The following FOCAD variants were observed in gnomAD, a reference collection of about 807,000 sequenced individuals.
The protein encoded by FOCAD is KIAA1797.
Under a neutral mutation model 225.6 loss-of-function variants are expected in FOCAD, and 198 were observed. The ratio of observed to expected loss-of-function variants is 0.88; its 90% confidence interval spans 0.78 to 0.99. FOCAD has a LOEUF of 0.99. FOCAD is among the 50% of genes least tolerant of loss of function. FOCAD has a pLI of 0.00. For missense variants in FOCAD, 2,713 were observed against 2,123.6 expected (o/e 1.28, Z -5.46); for synonymous variants, 897 against 755.0 (o/e 1.19, Z -3.08).
At position 20,916,957 on chromosome 9, in the gene FOCAD, T is replaced by C. The variant is rs752661606; in HGVS notation, c.2852+20T>C. The C allele has an allele frequency of 6.3e-7, 1 of 1,582,474 alleles. No individual in the cohort carries two copies. The highest frequency in any genetic ancestry group is 1.8e-5 in the Admixed American group (1 of 54,824). On this transcript the variant is annotated intron_variant, in intron 24 of 43. Transcript: ENST00000338382. ...TGCAAAGTAAGATCCATTTAGTCTT[T>C]TATCAAACATTTTTTATAAATACCT...
chr9:20,949,637 C>CT lies in FOCAD; in HGVS notation c.3910_3911insT (p.Gln1304LeufsTer5). 6.2e-7 allele frequency: 1 copy of CT among 1,613,200 alleles called. No homozygotes were observed. Among genetic ancestry groups the CT allele is most frequent in the Non-Finnish European group, 8.5e-7 (1 of 1,179,394 alleles). On this transcript the variant is annotated frameshift_variant, in exon 33 of 44. Transcript: ENST00000338382. LOFTEE classifies it high-confidence loss of function. The stretch of plus-strand genomic sequence containing the variant: ...AGAAGCCATCCAGACCTCTCATTTT[C>CT]AAGGCAGACTTAATGAAGTCATTAG...
chr9:20,871,400 A>T (rs1208439859), intron 18 of FOCAD, among the ~76,000 whole-genome samples: 1 of 151,786 alleles, frequency 6.6e-6, no homozygotes, highest in African/African-American at 2.4e-5. Context: ...TGAGTGTTTT[A>T]GCAGCTAATA....
intron 6 of FOCAD, among the ~76,000 whole-genome samples, chr9:20,762,318 G>A (rs1216203875): frequency 6.6e-6 from 1 of 152,172 alleles, no homozygotes; most frequent in East Asian, 1.9e-4. Context: ...GTGTGATAAA[G>A]ATATATGTTT....
intron 9 of FOCAD, 134 bp downstream of exon 9, chr9:20,778,902 A>T: frequency 2.0e-6 from 1 of 502,444 alleles, no homozygotes; most frequent in Non-Finnish European, 3.5e-6. Context: ...ATTAAATAGA[A>T]TTTTTTTTCT....
intron 7 of FOCAD, 33 bp downstream of exon 7, chr9:20,765,106 T>A: frequency 6.4e-7 from 1 of 1,566,502 alleles, no homozygotes; most frequent in Non-Finnish European, 8.7e-7. Context: ...CAAATATAGG[T>A]CAGCATCAGT....
At chr9:20,838,340 T>A (rs943449974) in intron 15 of FOCAD, among the ~76,000 whole-genome samples, 11 of 152,056 alleles carry the variant, frequency 7.2e-5, no homozygotes, top group African/African-American at 2.2e-4. Flanking sequence ...CCTGGTGGAA[T>A]GTATTATGCC....
intron 1 of FOCAD, among the ~76,000 whole-genome samples, chr9:20,707,189 C>G (rs1036992934): frequency 6.6e-6 from 1 of 152,114 alleles, no homozygotes; most frequent in Non-Finnish European, 1.5e-5. Context: ...TAATATTGAC[C>G]AAGTGGCTCT....
intron 10 of FOCAD, among the ~76,000 whole-genome samples, chr9:20,788,287 A>G (rs1820146523): frequency 6.6e-6 from 1 of 152,148 alleles, no homozygotes; most frequent in Non-Finnish European, 1.5e-5. Context: ...GTTGTTGCCA[A>G]GGGCTGGAGG....
intron 35 of FOCAD, among the ~76,000 whole-genome samples, chr9:20,954,281 G>C (rs1379366326): frequency 6.6e-6 from 1 of 152,092 alleles, no homozygotes; most frequent in Non-Finnish European, 1.5e-5. Context: ...TTATAGTAGA[G>C]ATGGCTTCAT....
At chr9:20,721,039 A>G (rs1825731098) in intron 4 of FOCAD, among the ~76,000 whole-genome samples, 1 of 152,186 alleles carries the variant, frequency 6.6e-6, no homozygotes, top group Non-Finnish European at 1.5e-5. Context: ...TTTGTTTGGT[A>G]TGACCATATT....
chr9:20,863,054 A>T (rs1183824463), intron 16 of FOCAD: 1 of 167,692 alleles, frequency 6.0e-6, no homozygotes, highest in African/African-American at 2.4e-5. Flanking sequence ...CCACAAAGAC[A>T]TTAATAAAGG....
At chr9:20,937,704 T>G (rs542535295) in intron 28 of FOCAD, among the ~76,000 whole-genome samples, 2,443 of 151,634 alleles carry the variant, frequency 0.016, 73 homozygotes, top group African/African-American at 0.055. Context: ...AAAAGCAATG[T>G]CAAGAAAGGC....
At chr9:20,873,817 A>G (rs183463979) in intron 18 of FOCAD, 1 of 152,276 alleles carries the variant, frequency 6.6e-6, no homozygotes, top group Admixed American at 6.5e-5. Flanking sequence ...AATTATTTCT[A>G]AAAATAACTC....
intron 1 of FOCAD, among the ~76,000 whole-genome samples, chr9:20,714,365 G>A (rs1825126890): frequency 6.6e-6 from 1 of 152,096 alleles, no homozygotes; most frequent in East Asian, 1.9e-4. Context: ...TGTTTTTTGA[G>A]ATCAAGGGAA....
At chr9:20,766,207 G>A (rs986244437) in intron 7 of FOCAD, among the ~76,000 whole-genome samples, 13 of 152,062 alleles carry the variant, frequency 8.5e-5, no homozygotes, top group Non-Finnish European at 7.4e-5. Flanking sequence ...AAATGAGCTC[G>A]GTGGAATATT....
At chr9:20,943,449 G>C (rs915368051) in intron 28 of FOCAD, among the ~76,000 whole-genome samples, 1 of 129,106 alleles carries the variant, frequency 7.7e-6, no homozygotes, top group Non-Finnish European at 1.8e-5. Context: ...CAGAAGGCTA[G>C]GAATAAAAAA....
intron 8 of FOCAD, among the ~76,000 whole-genome samples, chr9:20,775,088 A>C (rs1818622483): frequency 6.6e-6 from 1 of 152,138 alleles, no homozygotes; most frequent in Admixed American, 6.5e-5. Flanking sequence ...GTCTTGTTCA[A>C]ATATTATATT....
chr9:20,954,483 T>A (rs1837960904), intron 35 of FOCAD, among the ~76,000 whole-genome samples: 1 of 152,232 alleles, frequency 6.6e-6, no homozygotes, highest in Non-Finnish European at 1.5e-5. Flanking sequence ...ACTCTTTTTC[T>A]TTTCTAGTGA....
chr9:20,765,130 G>A, intron 7 of FOCAD, 57 bp downstream of exon 7: 3 of 1,465,392 alleles, frequency 2.0e-6, no homozygotes, highest in Non-Finnish European at 2.8e-6. Flanking sequence ...TGTTGTTATT[G>A]TCATAGACAA....
Sources: allele counts gnomAD v4.1 joint callset (sites outside exome capture counted in the v4.1 genomes callset), GRCh38; gene constraint gnomAD v4.1.1; transcripts MANE v1.5; gene names NCBI Gene and HGNC (gene_info 2026-07-23, HGNC 2026-07-21).